The following RBFOX1 variants were observed in gnomAD, a reference collection of about 807,000 sequenced individuals.
RBFOX1 encodes RNA binding fox-1 homolog 1, also known as RNA binding protein fox-1 homolog 1.
A neutral mutation model predicts 57.7 loss-of-function variants in RBFOX1; 8 were observed. The observed-to-expected ratio is 0.14, with a 90% CI of 0.08 to 0.25. RBFOX1 has a LOEUF of 0.25. RBFOX1 is among the 10% of genes least tolerant of loss of function. The probability of loss-of-function intolerance (pLI) is 1.00; values close to 1 mark genes in which losing one functional copy is unlikely to be tolerated. For synonymous variants in RBFOX1, 326 were observed against 222.4 expected (o/e 1.47, Z -4.15); for missense variants, 611 against 548.5 (o/e 1.11, Z -1.14).
rs562286309 is a variant in RBFOX1 at position 5,653,218 on chromosome 16, G to T, written c.318+54257G>T. Among the ~76,000 whole-genome samples the T allele has an allele frequency of 9.4e-5, 14 of 149,260 alleles. No homozygotes were observed. In the East Asian group the frequency reaches 2.7e-3, roughly 29 times the overall value. ...AGGTGGGGTGCTTAGCCATGTGCTG[G>T]GTTTCTGTGAGGAAGGTGGGGTGTG... is the stretch of plus-strand genomic sequence containing the variant. On this transcript the variant is annotated intron_variant, in intron 3 of 19. Transcript: ENST00000641259.
intron 14 of RBFOX1, among the ~76,000 whole-genome samples, chr16:7,703,737 C>T (rs762444376): frequency 6.6e-6 from 1 of 152,184 alleles, no homozygotes; most frequent in Non-Finnish European, 1.5e-5. Flanking sequence ...TTTATATTCC[C>T]ATTCAAGAGG....
At chr16:6,807,339 A>T (rs1190416751) in intron 3 of RBFOX1, among the ~76,000 whole-genome samples, 1 of 152,086 alleles carries the variant, frequency 6.6e-6, no homozygotes, top group African/African-American at 2.4e-5. Context: ...CAATAAATTG[A>T]TAATGGGAAT....
At chr16:6,179,705 ATTG>A (rs2152785661) in intron 1 of RBFOX1, among the ~76,000 whole-genome samples, 1 of 152,238 alleles carries the variant, frequency 6.6e-6, no homozygotes, top group East Asian at 1.9e-4. Context: ...TATTGTTGTT[ATTG>A]TTAATATTTA....
At chr16:7,027,547 T>C (rs572913346) in intron 3 of RBFOX1, among the ~76,000 whole-genome samples, 2 of 152,172 alleles carry the variant, frequency 1.3e-5, no homozygotes, top group African/African-American at 2.4e-5. Flanking sequence ...AATCACTCCC[T>C]GTGGTTTCTC....
intron 4 of RBFOX1, among the ~76,000 whole-genome samples, chr16:7,354,378 G>A (rs1568373733): frequency 6.6e-6 from 1 of 152,156 alleles, no homozygotes; most frequent in South Asian, 2.1e-4. Flanking sequence ...ACCTGTGTTT[G>A]TTGAAGGTGT....
intron 1 of RBFOX1, among the ~76,000 whole-genome samples, chr16:6,084,610 A>G (rs952202989): frequency 2.0e-5 from 3 of 151,104 alleles, no homozygotes; most frequent in African/African-American, 7.4e-5. Context: ...ACGGTTTGCT[A>G]GTTTAGAAAG....
At chr16:5,604,499 T>C (rs1431116560), downstream of RBFOX1, among the ~76,000 whole-genome samples, 1 of 152,152 alleles carries the variant, frequency 6.6e-6, no homozygotes, top group Non-Finnish European at 1.5e-5. Flanking sequence ...CCACAGGCAG[T>C]TTACAATGTG....
intron 3 of RBFOX1, among the ~76,000 whole-genome samples, chr16:6,663,899 C>A (rs2098716350): frequency 6.6e-6 from 1 of 152,186 alleles, no homozygotes. Flanking sequence ...GTCAGTGTAG[C>A]TGGGGCTCAG....
chr16:7,054,006 C>T lies in RBFOX1; in HGVS notation c.27+1908C>T, dbSNP rs973812475. ...TCCCACGTGACTTAGGCGTCTAGTTCCCTCTGGGAGACCCCTAGTGTGATT... is the reference window on the plus strand; with the variant it reads ...TCCCACGTGACTTAGGCGTCTAGTTTCCTCTGGGAGACCCCTAGTGTGATT... On this transcript the variant is annotated intron_variant, in intron 4 of 15. Coordinates refer to ENST00000550418, the MANE Select transcript of RBFOX1 (RefSeq NM_018723.4). 6.6e-5 allele frequency among the ~76,000 whole-genome samples: 10 copies of T among 151,880 alleles called. No individual in the cohort carries two copies. In the East Asian group the frequency reaches 1.7e-3, roughly 27 times the overall value.
At chr16:5,826,973 C>G (rs1052776579) in intron 3 of RBFOX1, among the ~76,000 whole-genome samples, 1 of 152,168 alleles carries the variant, frequency 6.6e-6, no homozygotes, top group African/African-American at 2.4e-5. Flanking sequence ...TCTTCTAGTG[C>G]ACCTTCAATG....
chr16:5,516,801 G>C (rs971263394), intron 2 of RBFOX1, among the ~76,000 whole-genome samples: 2 of 152,034 alleles, frequency 1.3e-5, no homozygotes, highest in Non-Finnish European at 2.9e-5. Flanking sequence ...CCTTTTGCTC[G>C]GCACTCATTC....
At chr16:5,816,257 C>G (rs1163530079) in intron 3 of RBFOX1, among the ~76,000 whole-genome samples, 1 of 152,160 alleles carries the variant, frequency 6.6e-6, no homozygotes, top group Non-Finnish European at 1.5e-5. Context: ...CCCTTGGCTA[C>G]CTATTCCTTC....
intron 10 of RBFOX1, among the ~76,000 whole-genome samples, chr16:7,610,831 A>G (rs538681994): frequency 4.7e-4 from 71 of 152,354 alleles, no homozygotes; most frequent in African/African-American, 1.3e-3. Context: ...ATTCATTTCC[A>G]TATCCAGGTA....
At chr16:6,778,277 A>T (rs910677910) in intron 3 of RBFOX1, among the ~76,000 whole-genome samples, 2 of 152,134 alleles carry the variant, frequency 1.3e-5, no homozygotes, top group Non-Finnish European at 2.9e-5. Context: ...TATTGTACAA[A>T]GTAACAAACA....
chr16:7,331,014 A>G (rs1315463043), intron 4 of RBFOX1, among the ~76,000 whole-genome samples: 2 of 152,188 alleles, frequency 1.3e-5, no homozygotes, highest in African/African-American at 4.8e-5. Flanking sequence ...TTTGAATTGT[A>G]CAACGTGGCC....
At chr16:6,750,735 G>A (rs952139712) in intron 3 of RBFOX1, among the ~76,000 whole-genome samples, 3 of 152,182 alleles carry the variant, frequency 2.0e-5, no homozygotes, top group African/African-American at 4.8e-5. Context: ...TAAAGGGATA[G>A]GGCAGTGTAT....
chr16:5,741,252 G>C (rs937629636), intron 3 of RBFOX1, among the ~76,000 whole-genome samples: 3 of 152,136 alleles, frequency 2.0e-5, no homozygotes, highest in Non-Finnish European at 4.4e-5. Context: ...AGCAATCAGT[G>C]GGGTCGCCCT....
At chr16:6,553,876 C>T (rs944752606) in intron 2 of RBFOX1, among the ~76,000 whole-genome samples, 2 of 152,134 alleles carry the variant, frequency 1.3e-5, no homozygotes, top group Admixed American at 6.5e-5. Context: ...GACTTACCTT[C>T]CTGGGAGTCG....
At chr16:6,265,415 C>A (rs1179926677) in intron 1 of RBFOX1, among the ~76,000 whole-genome samples, 4 of 152,004 alleles carry the variant, frequency 2.6e-5, no homozygotes, top group African/African-American at 7.2e-5. Flanking sequence ...GTGAGCACCA[C>A]CGTGCCCAGC....
Sources: allele counts gnomAD v4.1 joint callset (sites outside exome capture counted in the v4.1 genomes callset), GRCh38; gene constraint gnomAD v4.1.1; transcripts MANE v1.5; gene names NCBI Gene and HGNC (gene_info 2026-07-23, HGNC 2026-07-21).